Variants in PJVK observed in about 807,000 individuals in gnomAD.
PJVK encodes autosomal recessive deafness type 59 protein.
PJVK carries 33 observed loss-of-function variants against 37.6 expected under a neutral mutation model. The observed-to-expected ratio is 0.88, with a 90% CI of 0.67 to 1.17. PJVK has a LOEUF of 1.17. Among genes scored for constraint, PJVK ranks in the 50% most tolerant of loss-of-function variants. PJVK has a pLI of 0.00. For synonymous variants in PJVK, 141 were observed against 143.5 expected (o/e 0.98, Z 0.13); for missense variants, 410 against 413.8 (o/e 0.99, Z 0.08).
intron 2 of PJVK, 80 bp downstream of exon 2, chr2:178,453,700 T>A (rs567242068): frequency 8.6e-7 from 1 of 1,157,592 alleles, no homozygotes; most frequent in Non-Finnish European, 1.3e-6. Flanking sequence ...ATGCTACTTA[T>A]GTTAGTAATA....
rs757329029 is a variant in PJVK at position 178,461,080 on chromosome 2, C to T, written c.865C>T (p.Leu289Phe). 6 of 1,614,070 alleles carry T rather than the reference C, an allele frequency of 3.7e-6. No homozygotes were observed. Among genetic ancestry groups the T allele is most frequent in the Admixed American group, 1.7e-5 (1 of 60,020 alleles). ...ACCTCTCAGCATGACTGATATTTCA[C>T]TCAAAGAAGGGACCCATATCCGAGT... is the stretch of plus-strand genomic sequence containing the variant. ...DKPLSMTDIS[L>F]KEGTHIRVNL... is the part of the protein sequence containing the mutation. Residue 289 changes from leucine (L) to phenylalanine (F), a missense_variant, in exon 7 of 7, where the codon CTC (leucine) becomes TTC (phenylalanine). Transcript: ENST00000644580.
chr2:178,455,242 C>A (rs1022999862), intron 3 of PJVK: 3 of 1,545,192 alleles, frequency 1.9e-6, no homozygotes. Flanking sequence ...AGAAGATTAA[C>A]CCTGAGAATT....
intron 6 of PJVK, 99 bp downstream of exon 6, chr2:178,460,545 T>A (rs957961197): frequency 1.7e-6 from 2 of 1,162,242 alleles, no homozygotes; most frequent in East Asian, 2.6e-5. Flanking sequence ...TAAGGAAAAA[T>A]TTAAATTTAA....
At chr2:178,454,835 C>T (rs1439975311) in intron 3 of PJVK, 25 of 1,176,516 alleles carry the variant, frequency 2.1e-5, no homozygotes, top group African/African-American at 3.0e-5. Flanking sequence ...TCAAGAATGG[C>T]AGCCTTGACT....
At chr2:178,452,369 A>G in intron 1 of PJVK, 1 of 984,616 alleles carries the variant, frequency 1.0e-6, no homozygotes, top group Non-Finnish European at 1.2e-6. Flanking sequence ...CAAGTGAAAG[A>G]TGTTCAGAAT....
chr2:178,461,480 C>CA lies in PJVK; in HGVS notation c.*207dup, dbSNP rs1476850047. 5.8e-6 allele frequency: 3 copies of CA among 518,342 alleles called. No individual in the cohort carries two copies. The African/African-American group carries it at 6.2e-5, about 11-fold the overall frequency. 32.1% of individuals were successfully genotyped at this position (518,342 alleles called of 1,614,324 possible). A position where few individuals can be genotyped will look rare whatever the true frequency, so the allele number is the denominator to read the frequency against. ...CTTAAGTTGTCATGAAAATTAATAACATTGTTTATATCAAAAAAGATTTAC... is the reference window on the plus strand; with the variant it reads ...CTTAAGTTGTCATGAAAATTAATAACAATTGTTTATATCAAAAAAGATTTAC... On this transcript the variant is annotated 3_prime_UTR_variant, in exon 7 of 7. Coordinates refer to ENST00000644580, the MANE Select transcript of PJVK (RefSeq NM_001042702.5).
intron 4 of PJVK, among the ~76,000 whole-genome samples, chr2:178,457,481 T>C (rs1342829776): frequency 1.3e-5 from 2 of 152,148 alleles, no homozygotes; most frequent in African/African-American, 2.4e-5. Context: ...CTGGTTGTGG[T>C]GGCACATGCC....
chr2:178,454,309 A>T (rs1235305543), intron 2 of PJVK, 23 bp from the exon 3 acceptor site: 1 of 1,590,846 alleles, frequency 6.3e-7, no homozygotes, highest in East Asian at 2.2e-5. Context: ...TGTTTAAAAA[A>T]TACTGAGTTT....
intron 4 of PJVK, 110 bp from the exon 5 acceptor site, chr2:178,458,400 G>A (rs902728653): frequency 5.8e-6 from 5 of 862,364 alleles, no homozygotes; most frequent in Non-Finnish European, 1.8e-6. Flanking sequence ...CCTTTACTTG[G>A]GAATTTTTTG....
At chr2:178,452,543 C>A in intron 1 of PJVK, 1 of 985,378 alleles carries the variant, frequency 1.0e-6, no homozygotes, top group South Asian at 4.7e-5. Context: ...CCGCATAACA[C>A]CTATGGCAAA....
intron 3 of PJVK, 143 bp from the exon 4 acceptor site, chr2:178,455,867 T>G (rs1684038438): frequency 1.2e-6 from 1 of 852,656 alleles, no homozygotes; most frequent in Non-Finnish European, 1.8e-6. Context: ...ACATTTCTTT[T>G]GGGTGTATTT....
rs556497564 is a variant in PJVK at position 178,451,783 on chromosome 2, A to G, written c.-23+14A>G. On this transcript the variant is annotated intron_variant, in intron 1 of 6. Coordinates refer to ENST00000644580, the MANE Select transcript of PJVK (RefSeq NM_001042702.5). ...ATGGAACGCTGGGTCAGTGCATCCC[A>G]GCAAAACACGTTAGGAGTAAACGAA... The G allele has an allele frequency of 2.4e-5, 24 of 985,394 alleles. No homozygotes were observed. The highest frequency in any genetic ancestry group is 6.1e-5 in the Admixed American group (1 of 16,294). The allele number at this position is 985,394 out of a possible 1,614,324, so 61.0% of individuals were successfully genotyped here. A position where few individuals can be genotyped will look rare whatever the true frequency, so the allele number is the denominator to read the frequency against.
intron 4 of PJVK, among the ~76,000 whole-genome samples, chr2:178,457,880 A>G (rs1294528474): frequency 1.3e-5 from 2 of 152,194 alleles, no homozygotes; most frequent in Non-Finnish European, 2.9e-5. Context: ...TTGGAAAAGT[A>G]TCTGTGTTTA....
rs148982157 is a variant in PJVK, at chr2:178,462,001, A to G, written c.*727A>G. On this transcript the variant is annotated 3_prime_UTR_variant, in exon 7 of 7. Coordinates refer to ENST00000644580, the MANE Select transcript of PJVK (RefSeq NM_001042702.5). Reference sequence around the variant, plus strand: ...ACAAGTAGCAACTTTTGGTGTTTCAACTATTGCCTTTGGTCTGGTAAAATG... The same window carrying G: ...ACAAGTAGCAACTTTTGGTGTTTCAGCTATTGCCTTTGGTCTGGTAAAATG... Among the ~76,000 whole-genome samples, 1 of 152,350 alleles carries G rather than the reference A, an allele frequency of 6.6e-6. No homozygotes were observed. Among genetic ancestry groups the G allele is most frequent in the East Asian group, 1.9e-4 (1 of 5,192 alleles).
chr2:178,455,923 A>G, intron 3 of PJVK, 87 bp from the exon 4 acceptor site: 1 of 1,469,882 alleles, frequency 6.8e-7, no homozygotes, highest in Non-Finnish European at 9.3e-7. Flanking sequence ...TGAACTATGA[A>G]TGAATAACAC....
chr2:178,455,763 C>T (rs1376159499), intron 3 of PJVK, among the ~76,000 whole-genome samples: 1 of 152,042 alleles, frequency 6.6e-6, no homozygotes, highest in African/African-American at 2.4e-5. Flanking sequence ...CTGTCTGCAA[C>T]AAATAGAGTC....
intron 3 of PJVK, chr2:178,454,940 G>A (rs1559367457): frequency 2.2e-6 from 2 of 898,476 alleles, no homozygotes; most frequent in East Asian, 2.4e-5. Context: ...GGGCAGACCT[G>A]CCTGATTACC....
chr2:178,461,069 C>T lies in PJVK; in HGVS notation c.854C>T (p.Thr285Ile), dbSNP rs200738178. 6.8e-5 allele frequency: 109 copies of T among 1,614,024 alleles called. No homozygotes were observed. Among genetic ancestry groups the T allele is most frequent in the Middle Eastern group, 4.9e-4 (3 of 6,062 alleles). ...TACTATGACAAACCTCTCAGCATGA[C>T]TGATATTTCACTCAAAGAAGGGACC... is the stretch of plus-strand genomic sequence containing the variant. Reference protein sequence around the residue: ...SDYYDKPLSMTDISLKEGTHI... With the variant: ...SDYYDKPLSMIDISLKEGTHI... The change falls in exon 7 of 7, where the codon ACT (threonine) becomes ATT (isoleucine). Residue 285 changes from threonine to isoleucine, a missense_variant. Physicochemically the swap from Thr to Ile is moderately conservative, Grantham distance 89. Coordinates refer to ENST00000644580, the MANE Select transcript of PJVK (RefSeq NM_001042702.5).
At chr2:178,460,880 T>G (rs553734968) in intron 6 of PJVK, 102 bp from the exon 7 acceptor site, 1 of 1,037,632 alleles carries the variant, frequency 9.6e-7, no homozygotes, top group African/African-American at 1.7e-5. Context: ...AAAGCCAAAT[T>G]ATTTCATGAC....
Sources: allele counts gnomAD v4.1 joint callset (sites outside exome capture counted in the v4.1 genomes callset), GRCh38; gene constraint gnomAD v4.1.1; transcripts MANE v1.5; gene names NCBI Gene and HGNC (gene_info 2026-07-23, HGNC 2026-07-21).